The following ZFAND3 variants were observed in gnomAD, a reference collection of about 807,000 sequenced individuals.
The protein encoded by ZFAND3 is AN1-type zinc finger protein 3.
Under a neutral mutation model 29.6 loss-of-function variants are expected in ZFAND3, and 10 were observed. That is an observed-to-expected ratio of 0.34 (90% CI 0.21 to 0.57). The LOEUF is 0.57. ZFAND3 is among the 20% of genes least tolerant of loss of function. The probability of loss-of-function intolerance (pLI) is 0.86; values close to 1 mark genes in which losing one functional copy is unlikely to be tolerated. For missense variants in ZFAND3, 230 were observed against 304.5 expected (o/e 0.76, Z 1.82); for synonymous variants, 128 against 112.6 (o/e 1.14, Z -0.87).
At chr6:37,960,409 A>G (rs548961608) in intron 2 of ZFAND3, among the ~76,000 whole-genome samples, 1 of 152,350 alleles carries the variant, frequency 6.6e-6, no homozygotes, top group South Asian at 2.1e-4. Context: ...GGCAGCAAAC[A>G]TTCATATACA....
At chr6:37,922,911 A>G (rs1306188993) in intron 1 of ZFAND3, among the ~76,000 whole-genome samples, 1 of 152,182 alleles carries the variant, frequency 6.6e-6, no homozygotes, top group Non-Finnish European at 1.5e-5. Flanking sequence ...TGTGGATGTT[A>G]TAAGCACTGT....
intron 1 of ZFAND3, among the ~76,000 whole-genome samples, chr6:37,881,457 T>TC (rs1391733201): frequency 6.6e-6 from 1 of 152,144 alleles, no homozygotes; most frequent in Non-Finnish European, 1.5e-5. Flanking sequence ...ATGCCAGAGA[T>TC]CTGGATTTGA....
chr6:37,984,938 T>C (rs1762640934), intron 2 of ZFAND3, among the ~76,000 whole-genome samples: 1 of 152,248 alleles, frequency 6.6e-6, no homozygotes, highest in Admixed American at 6.5e-5. Flanking sequence ...GTTATACTTT[T>C]TTCAGCAGTC....
At chr6:38,062,469 A>C (rs556113834) in intron 3 of ZFAND3, 3 of 150,612 alleles carry the variant, frequency 2.0e-5, no homozygotes, top group South Asian at 4.2e-4. Flanking sequence ...TGCAACCTCT[A>C]CCTCCTGGGT....
intron 4 of ZFAND3, among the ~76,000 whole-genome samples, chr6:38,111,145 C>G (rs1765307720): frequency 6.6e-6 from 1 of 152,216 alleles, no homozygotes; most frequent in Non-Finnish European, 1.5e-5. Context: ...CTTAACACTA[C>G]TTTCTGAGAC....
At chr6:37,950,461 T>C (rs1044366314) in intron 2 of ZFAND3, among the ~76,000 whole-genome samples, 1 of 150,714 alleles carries the variant, frequency 6.6e-6, no homozygotes, top group Non-Finnish European at 1.5e-5. Context: ...CACTGCAACC[T>C]CTGCCCCCTA....
intron 4 of ZFAND3, 48 bp from the exon 5 acceptor site, chr6:38,116,524 G>C: frequency 6.4e-7 from 1 of 1,565,262 alleles, no homozygotes. Flanking sequence ...AACTGTGCTT[G>C]CCAGGCCAGG....
chr6:37,863,994 T>C (rs1484422134), intron 1 of ZFAND3, among the ~76,000 whole-genome samples: 1 of 152,150 alleles, frequency 6.6e-6, no homozygotes, highest in African/African-American at 2.4e-5. Context: ...ATAGCATATG[T>C]TGTTTAGACA....
chr6:37,890,192 T>C (rs1341616354), intron 1 of ZFAND3, among the ~76,000 whole-genome samples: 1 of 152,230 alleles, frequency 6.6e-6, no homozygotes, highest in East Asian at 1.9e-4. Flanking sequence ...AAATTAACAA[T>C]TTTGAATAAG....
intron 2 of ZFAND3, among the ~76,000 whole-genome samples, chr6:37,949,642 A>G (rs1393185027): frequency 1.3e-5 from 2 of 152,116 alleles, no homozygotes; most frequent in Non-Finnish European, 2.9e-5. Flanking sequence ...GGTTCGATTA[A>G]TTTGTTGGGG....
At chr6:37,878,986 T>C (rs1764842748) in intron 1 of ZFAND3, among the ~76,000 whole-genome samples, 1 of 152,218 alleles carries the variant, frequency 6.6e-6, no homozygotes, top group Admixed American at 6.5e-5. Flanking sequence ...GATTTTAGCA[T>C]TCTTGTGCCA....
At chr6:37,959,872 T>G (rs1187056452) in intron 2 of ZFAND3, among the ~76,000 whole-genome samples, 1 of 152,190 alleles carries the variant, frequency 6.6e-6, no homozygotes, top group African/African-American at 2.4e-5. Context: ...CCCATGAAAC[T>G]TGAGAAGGCG....
At chr6:37,843,123 A>C (rs77574525) in intron 1 of ZFAND3, among the ~76,000 whole-genome samples, 12 of 140,986 alleles carry the variant, frequency 8.5e-5, no homozygotes, top group Admixed American at 2.8e-4. Flanking sequence ...CTGTTTCACA[A>C]AAAAAAAAAA....
intron 2 of ZFAND3, among the ~76,000 whole-genome samples, chr6:37,950,656 A>C (rs918973859): frequency 4.0e-5 from 6 of 151,852 alleles, no homozygotes; most frequent in African/African-American, 1.5e-4. Flanking sequence ...TAGGATTACA[A>C]GGGTGAGCCA....
chr6:38,121,528 G>C (rs1001931688), intron 5 of ZFAND3, among the ~76,000 whole-genome samples: 3 of 152,200 alleles, frequency 2.0e-5, no homozygotes, highest in Admixed American at 6.5e-5. Flanking sequence ...TGTTTTCACA[G>C]CCTTTCTGTT....
chr6:37,840,999 T>C (rs187182497), intron 1 of ZFAND3, among the ~76,000 whole-genome samples: 7 of 152,346 alleles, frequency 4.6e-5, no homozygotes, highest in African/African-American at 9.6e-5. Context: ...GAATCTGTTA[T>C]ACATTTGTCT....
At chr6:37,859,335 T>G (rs1347010142) in intron 1 of ZFAND3, among the ~76,000 whole-genome samples, 1 of 152,252 alleles carries the variant, frequency 6.6e-6, no homozygotes, top group Non-Finnish European at 1.5e-5. Flanking sequence ...ACACTTTTGC[T>G]TAAATTTTAT....
chr6:38,133,916 G>A (rs1441417867), intron 5 of ZFAND3, among the ~76,000 whole-genome samples: 1 of 152,104 alleles, frequency 6.6e-6, no homozygotes, highest in Admixed American at 6.5e-5. Context: ...CTGGCCCATG[G>A]GGTCCCCAAA....
chr6:37,833,162 T>A (rs960936434), intron 1 of ZFAND3: 1 of 152,216 alleles, frequency 6.6e-6, no homozygotes, highest in African/African-American at 2.4e-5. Context: ...CACCTCAGCC[T>A]CCCAAGTAGC....
Sources: allele counts gnomAD v4.1 joint callset (sites outside exome capture counted in the v4.1 genomes callset), GRCh38; gene constraint gnomAD v4.1.1; transcripts MANE v1.5; gene names NCBI Gene and HGNC (gene_info 2026-07-23, HGNC 2026-07-21).